The following ZFP1 variants were observed in gnomAD, a reference collection of about 807,000 sequenced individuals.
ZFP1 encodes the protein zinc finger protein 1 homolog.
In ZFP1, 32 loss-of-function variants were observed where a neutral mutation model predicts 38.5. That is an observed-to-expected ratio of 0.83 (90% confidence interval 0.63 to 1.12). ZFP1 has a LOEUF of 1.12. Among genes scored for constraint, ZFP1 ranks in the 50% most tolerant of loss-of-function variants. ZFP1 has a pLI of 0.00. For synonymous variants in ZFP1, 245 were observed against 168.8 expected (o/e 1.45, Z -3.50); for missense variants, 616 against 480.8 (o/e 1.28, Z -2.63).
At chr16:75,152,498 C>G (rs951768013) in intron 1 of ZFP1, among the ~76,000 whole-genome samples, 5 of 152,176 alleles carry the variant, frequency 3.3e-5, no homozygotes, top group African/African-American at 9.7e-5. Context: ...TGTTACTGTA[C>G]TTTTCTTAGC....
chr16:75,123,927 T>TA, the ZFP1 span, among the ~76,000 whole-genome samples: 3 of 73,760 alleles, frequency 4.1e-5, no homozygotes, highest in African/African-American at 8.8e-5. Flanking sequence ...CTGTCTCTAC[T>TA]AAAAATACAA....
At chr16:75,160,472 AT>A (rs1240563693) in intron 2 of ZFP1, among the ~76,000 whole-genome samples, 4 of 151,814 alleles carry the variant, frequency 2.6e-5, no homozygotes, top group African/African-American at 9.7e-5. Flanking sequence ...GGCTAACCCC[AT>A]CTGTACTAAA....
the ZFP1 span, among the ~76,000 whole-genome samples, chr16:75,140,910 G>T: frequency 6.6e-6 from 1 of 152,020 alleles, no homozygotes; most frequent in African/African-American, 2.4e-5. Context: ...AGTGAGCCGA[G>T]ATCGCACCAC....
chr16:75,167,716 C>T (rs2038174650), intron 3 of ZFP1, among the ~76,000 whole-genome samples: 1 of 152,166 alleles, frequency 6.6e-6, no homozygotes, highest in Non-Finnish European at 1.5e-5. Flanking sequence ...CTTCCCACCT[C>T]AGCCTGGAGT....
chr16:75,165,862 T>C (rs2038049104), intron 2 of ZFP1, among the ~76,000 whole-genome samples: 1 of 152,208 alleles, frequency 6.6e-6, no homozygotes, highest in Admixed American at 6.5e-5. Flanking sequence ...GCTGCAAGTA[T>C]ATTAGACCTT....
At chr16:75,152,785 G>C (rs2037273066) in intron 1 of ZFP1, 124 bp from the exon 2 acceptor site, 1 of 804,174 alleles carries the variant, frequency 1.2e-6, no homozygotes, top group South Asian at 1.9e-5. Context: ...AAGAGGCAAA[G>C]GGACTTTCCC....
chr16:75,135,362 C>T, the ZFP1 span, among the ~76,000 whole-genome samples: 1 of 151,982 alleles, frequency 6.6e-6, no homozygotes, highest in Non-Finnish European at 1.5e-5. Flanking sequence ...ACAGAGGAAC[C>T]TTAAATGCAT....
chr16:75,164,590 T>C (rs2037961083), intron 2 of ZFP1, among the ~76,000 whole-genome samples: 1 of 152,214 alleles, frequency 6.6e-6, no homozygotes, highest in Non-Finnish European at 1.5e-5. Flanking sequence ...TAATAATGCC[T>C]GATACTTGAC....
the ZFP1 span, among the ~76,000 whole-genome samples, chr16:75,143,371 A>T: frequency 6.6e-6 from 1 of 152,020 alleles, no homozygotes; most frequent in Admixed American, 6.6e-5. Flanking sequence ...CCTCCCAAGT[A>T]GCTGAGACTC....
At chr16:75,124,054 T>A in the ZFP1 span, among the ~76,000 whole-genome samples, 236 of 151,436 alleles carry the variant, frequency 1.6e-3, 3 homozygotes, top group African/African-American at 5.1e-3. Flanking sequence ...AGATTGCGCC[T>A]CTGCACTCCA....
chr16:75,141,672 A>C, the ZFP1 span, among the ~76,000 whole-genome samples: 11 of 151,978 alleles, frequency 7.2e-5, no homozygotes, highest in African/African-American at 2.4e-4. Context: ...GGATTGCTTG[A>C]GACCAGGAAT....
upstream of ZFP1, among the ~76,000 whole-genome samples, chr16:75,148,182 G>T (rs546899296): frequency 6.6e-6 from 1 of 152,176 alleles, no homozygotes; most frequent in South Asian, 2.1e-4. Flanking sequence ...GTGAGATTAT[G>T]GATACTTTAT....
the ZFP1 span, among the ~76,000 whole-genome samples, chr16:75,139,656 C>A: frequency 1.3e-5 from 2 of 152,100 alleles, no homozygotes; most frequent in Non-Finnish European, 2.9e-5. Context: ...AGCTACCACA[C>A]CTGGCCAGGA....
the ZFP1 span, among the ~76,000 whole-genome samples, chr16:75,139,617 AGGAGGTGGAG>A: frequency 6.6e-6 from 1 of 152,040 alleles, no homozygotes; most frequent in Non-Finnish European, 1.5e-5. Context: ...GCTTGAGGCC[AGGAGGTGGAG>A]GCTGGGATTA....
In ZFP1 at chr16:75,170,091, T is replaced by C. The variant is rs1567544801; in HGVS notation, c.981T>C (p.Ser327=). Residue 327 remains serine, a synonymous_variant, in exon 4 of 4, where the codon AGT becomes AGC. Transcript: ENST00000570010. ...IHTGEKRYEC[S]ECGKSFIQNS... is the part of the protein sequence containing the mutation. ...CGGGGGAGAAACGCTATGAGTGCAG[T>C]GAATGTGGAAAATCCTTTATCCAGA... 4 of 1,613,924 alleles carry C rather than the reference T, an allele frequency of 2.5e-6. No individual in the cohort carries two copies. Among genetic ancestry groups the C allele is most frequent in the Admixed American group, 1.7e-5 (1 of 59,990 alleles).
intron 2 of ZFP1, among the ~76,000 whole-genome samples, chr16:75,166,326 G>A (rs990227312): frequency 2.1e-4 from 32 of 152,120 alleles, no homozygotes; most frequent in African/African-American, 7.7e-4. Context: ...TCTGCCTCCC[G>A]GGTTTAAGCA....
At chr16:75,152,417 C>G (rs1271988647) in intron 1 of ZFP1, among the ~76,000 whole-genome samples, 2 of 152,282 alleles carry the variant, frequency 1.3e-5, no homozygotes, top group Non-Finnish European at 2.9e-5. Flanking sequence ...TTCAGTTTGA[C>G]CTATCTTCAA....
At chr16:75,123,991 G>C in the ZFP1 span, among the ~76,000 whole-genome samples, 1 of 151,602 alleles carries the variant, frequency 6.6e-6, no homozygotes, top group Non-Finnish European at 1.5e-5. Flanking sequence ...CTACTCGGGA[G>C]GCAGAGGGAG....
chr16:75,165,903 C>T (rs549178704), intron 2 of ZFP1, among the ~76,000 whole-genome samples: 1 of 152,068 alleles, frequency 6.6e-6, no homozygotes, highest in Non-Finnish European at 1.5e-5. Flanking sequence ...TTTTAGGCTC[C>T]TTAATGTACC....
Sources: allele counts gnomAD v4.1 joint callset (sites outside exome capture counted in the v4.1 genomes callset), GRCh38; gene constraint gnomAD v4.1.1; transcripts MANE v1.5; gene names NCBI Gene and HGNC (gene_info 2026-07-23, HGNC 2026-07-21).